FRMD6: variants seen among roughly 807,000 people sequenced by gnomAD.
The protein encoded by FRMD6 is FERM domain-containing protein 6.
A neutral mutation model predicts 73.2 loss-of-function variants in FRMD6; 37 were observed. The observed-to-expected ratio is 0.51, with a 90% CI of 0.39 to 0.66. The LOEUF (loss-of-function observed/expected upper bound fraction) is 0.66. Among genes scored for constraint, FRMD6 ranks in the 30% least tolerant of loss-of-function variants. The pLI is 0.00. For synonymous variants in FRMD6, 273 were observed against 282.2 expected, an observed-to-expected ratio of 0.97 and a Z score of 0.33; for missense variants, 714 against 780.5, an observed-to-expected ratio of 0.91 and a Z score of 1.02.
At chr14:51,536,094 A>AGG (rs1438245465) in intron 1 of FRMD6, among the ~76,000 whole-genome samples, 2 of 142,548 alleles carry the variant, frequency 1.4e-5, no homozygotes, top group African/African-American at 5.0e-5. Context: ...ATATATATAT[A>AGG]TATAGAGAGA....
chr14:51,637,212 A>T (rs1294810842), intron 2 of FRMD6: 2 of 152,130 alleles, frequency 1.3e-5, no homozygotes, highest in Non-Finnish European at 2.9e-5. Context: ...ACGGAGCGTG[A>T]CCCTGTCTCA....
intron 2 of FRMD6, among the ~76,000 whole-genome samples, chr14:51,636,864 A>C (rs1453945032): frequency 1.3e-5 from 2 of 152,236 alleles, no homozygotes; most frequent in African/African-American, 4.8e-5. Context: ...GGGTGAGGCC[A>C]CTGTAGAGAA....
At chr14:51,431,674 A>G in the FRMD6 span, among the ~76,000 whole-genome samples, 2 of 152,212 alleles carry the variant, frequency 1.3e-5, no homozygotes, top group African/African-American at 4.8e-5. Context: ...ATTTTACCTG[A>G]AGTTGGTGAT....
At chr14:51,651,685 G>A (rs939745687), upstream of FRMD6, 4 of 151,952 alleles carry the variant, frequency 2.6e-5, no homozygotes, top group Non-Finnish European at 4.4e-5. Context: ...ACCCCTCCGC[G>A]GGACGCTTGG....
At chr14:51,417,392 A>G in the FRMD6 span, among the ~76,000 whole-genome samples, 1 of 152,194 alleles carries the variant, frequency 6.6e-6, no homozygotes, top group Non-Finnish European at 1.5e-5. Context: ...AAAGGATTTT[A>G]GTTCTCCTTC....
At chr14:51,637,583 C>T (rs1312036131) in intron 2 of FRMD6, 1 of 151,980 alleles carries the variant, frequency 6.6e-6, no homozygotes, top group African/African-American at 2.4e-5. Context: ...GAGCAAATGG[C>T]ATCTTATCAG....
At chr14:51,506,427 G>A (rs1883967900) in intron 1 of FRMD6, among the ~76,000 whole-genome samples, 4 of 152,222 alleles carry the variant, frequency 2.6e-5, no homozygotes, top group Admixed American at 2.6e-4. Flanking sequence ...GGCTCCAAGA[G>A]ATTACAGAAG....
At chr14:51,699,534 C>T (rs34029790) in intron 3 of FRMD6, among the ~76,000 whole-genome samples, 15,063 of 151,966 alleles carry the variant, frequency 0.099, 1,045 homozygotes, top group Non-Finnish European at 0.15. Context: ...AGTAGTATGG[C>T]GAAAGAACAT....
chr14:51,700,500 T>C (rs1896240632), intron 3 of FRMD6, among the ~76,000 whole-genome samples: 1 of 152,028 alleles, frequency 6.6e-6, no homozygotes, highest in Non-Finnish European at 1.5e-5. Flanking sequence ...GGGTTTATCA[T>C]TTTGTCATGC....
chr14:51,712,720 G>A (rs942387869), intron 9 of FRMD6, among the ~76,000 whole-genome samples, 169 bp downstream of exon 9: 20 of 152,190 alleles, frequency 1.3e-4, no homozygotes, highest in African/African-American at 3.9e-4. Context: ...TCTAATGCAT[G>A]TGCTATAGAT....
chr14:51,549,595 C>CTTT lies in FRMD6; in HGVS notation c.-209-20735_-209-20733dup, dbSNP rs35356416. 3.3e-3 allele frequency among the ~76,000 whole-genome samples: 327 copies of CTTT among 97,996 alleles called. 12 individuals carry two copies. Among genetic ancestry groups the CTTT allele is most frequent in the Middle Eastern group, 8.2e-3 (1 of 122 alleles). The allele number at this position is 97,996 out of a possible 152,430, so 64.3% of individuals were successfully genotyped here. A position where few individuals can be genotyped will look rare whatever the true frequency, so the allele number is the denominator to read the frequency against. The stretch of plus-strand genomic sequence containing the variant: ...TGGAGTATAAACTTTTTTTTTCTTT[C>CTTT]TTTTTTTTTTTTTTTTTTTTGAGAC... On this transcript the variant is annotated intron_variant, in intron 1 of 14. Transcript: ENST00000356218.
At chr14:51,615,592 A>G (rs1485508596) in intron 2 of FRMD6, among the ~76,000 whole-genome samples, 1 of 152,190 alleles carries the variant, frequency 6.6e-6, no homozygotes, top group African/African-American at 2.4e-5. Flanking sequence ...GCTAGGTGGA[A>G]AATTGTTTTA....
chr14:51,503,009 G>A (rs1009760952), intron 1 of FRMD6, among the ~76,000 whole-genome samples: 10 of 152,046 alleles, frequency 6.6e-5, no homozygotes, highest in Admixed American at 2.0e-4. Context: ...CCTATTATTG[G>A]TATATAGGAA....
At chr14:51,409,854 G>A in the FRMD6 span, among the ~76,000 whole-genome samples, 1 of 152,156 alleles carries the variant, frequency 6.6e-6, no homozygotes, top group Non-Finnish European at 1.5e-5. Context: ...CTTCCAAAGT[G>A]CTGGGATTAC....
intron 1 of FRMD6, among the ~76,000 whole-genome samples, chr14:51,546,074 AAAT>A (rs1371656226): frequency 6.6e-6 from 1 of 152,220 alleles, no homozygotes; most frequent in African/African-American, 2.4e-5. Context: ...GAAAATGATA[AAAT>A]AATAATTTTG....
At chr14:51,698,084 G>A in intron 2 of FRMD6, 58 bp from the exon 3 acceptor site, 2 of 1,255,664 alleles carry the variant, frequency 1.6e-6, no homozygotes, top group Non-Finnish European at 2.3e-6. Flanking sequence ...CCTGATTGTG[G>A]CTCCCTGGGT....
chr14:51,549,267 A>G (rs1018721424), intron 1 of FRMD6, among the ~76,000 whole-genome samples: 8 of 152,198 alleles, frequency 5.3e-5, no homozygotes, highest in Non-Finnish European at 8.8e-5. Context: ...AAACCCCTGA[A>G]AAAACGAAAG....
At chr14:51,564,194 C>G (rs974699988) in intron 1 of FRMD6, among the ~76,000 whole-genome samples, 2 of 152,220 alleles carry the variant, frequency 1.3e-5, no homozygotes, top group South Asian at 4.1e-4. Context: ...TCTCTTTACA[C>G]AGTACTTATA....
intron 1 of FRMD6, among the ~76,000 whole-genome samples, chr14:51,517,029 C>T (rs141367543): frequency 1.3e-4 from 20 of 152,238 alleles, no homozygotes; most frequent in African/African-American, 4.1e-4. Context: ...ATGTCATTTT[C>T]AATTCCCTTT....
Sources: allele counts gnomAD v4.1 joint callset (sites outside exome capture counted in the v4.1 genomes callset), GRCh38; gene constraint gnomAD v4.1.1; transcripts MANE v1.5; gene names NCBI Gene and HGNC (gene_info 2026-07-23, HGNC 2026-07-21).